Variants in MIGA1 observed in about 807,000 individuals in gnomAD.
MIGA1 encodes the protein family with sequence similarity 73, member A.
In MIGA1, 58 loss-of-function variants were observed where a neutral mutation model predicts 82.0. The ratio of observed to expected loss-of-function variants is 0.71; its 90% CI spans 0.57 to 0.88. MIGA1 has a LOEUF of 0.88. Among genes scored for constraint, MIGA1 ranks in the 40% least tolerant of loss-of-function variants. The pLI, the probability that MIGA1 is intolerant of heterozygous loss-of-function variation, is 0.00. For missense variants in MIGA1, 751 were observed against 749.1 expected, an observed-to-expected ratio of 1.00 and a Z score of -0.03; for synonymous variants, 249 against 253.6, an observed-to-expected ratio of 0.98 and a Z score of 0.17.
intron 2 of MIGA1, among the ~76,000 whole-genome samples, chr1:77,788,886 T>A (rs111431249): frequency 2.0e-5 from 3 of 152,302 alleles, no homozygotes; most frequent in African/African-American, 7.2e-5. Flanking sequence ...ATTTTGGCTA[T>A]TCTAAGTCCC....
intron 5 of MIGA1, chr1:77,811,741 G>T (rs1683340717): frequency 6.2e-7 from 1 of 1,609,586 alleles, no homozygotes; most frequent in Admixed American, 1.7e-5. Context: ...CCTAAAACTG[G>T]CGCCCCAGCG....
intron 10 of MIGA1, 25 bp from the exon 11 acceptor site, chr1:77,860,015 T>C: frequency 6.6e-7 from 1 of 1,516,720 alleles, no homozygotes; most frequent in Non-Finnish European, 9.1e-7. Context: ...GTCTCTTTTT[T>C]CTTTGGGGAT....
chr1:77,795,736 T>C lies in MIGA1; in HGVS notation c.196-5595T>C, dbSNP rs540486868. The stretch of plus-strand genomic sequence containing the variant: ...CCTCTGCCTCCTGGGTTCAAGCGAT[T>C]CTCCTGCCTCAGCCTCCTGAGTAGC... On this transcript the variant is annotated intron_variant, in intron 2 of 15. Transcript: ENST00000370791. Among the ~76,000 whole-genome samples the C allele has an allele frequency of 1.1e-4, 17 of 151,672 alleles. 1 individual carries two copies. Among genetic ancestry groups the C allele is most frequent in the Admixed American group, 1.1e-3 (16 of 15,224 alleles).
At chr1:77,813,141 C>T (rs770238224) in intron 5 of MIGA1, among the ~76,000 whole-genome samples, 2 of 152,102 alleles carry the variant, frequency 1.3e-5, no homozygotes, top group Admixed American at 1.3e-4. Flanking sequence ...ATCACCACAC[C>T]TGGCTGCTTT....
chr1:77,852,850 C>T (rs909615450), intron 8 of MIGA1, among the ~76,000 whole-genome samples: 3 of 152,144 alleles, frequency 2.0e-5, no homozygotes, highest in African/African-American at 7.2e-5. Flanking sequence ...GCCACCACAC[C>T]TGGCTAATTT....
intron 7 of MIGA1, among the ~76,000 whole-genome samples, chr1:77,836,763 A>T (rs1190519894): frequency 6.6e-6 from 1 of 152,170 alleles, no homozygotes; most frequent in Non-Finnish European, 1.5e-5. Context: ...ACAAGTGGGG[A>T]TATGGTCAAC....
Position 77,878,960 on chromosome 1 carries a change from A to T in MIGA1, c.*3896A>T. On this transcript the variant is annotated 3_prime_UTR_variant, in exon 16 of 16. Transcript: ENST00000370791. ...ATTTACAAATGTTTTCTTGCCTTAA[A>T]ATGTAACATTTTCTACTTAAATTTA... 1 of 310,990 alleles carries T rather than the reference A, an allele frequency of 3.2e-6. No individual in the cohort carries two copies. The highest frequency in any genetic ancestry group is 5.9e-6 in the Non-Finnish European group (1 of 170,322). The allele number at this position is 310,990 out of a possible 1,614,324, so 19.3% of individuals were successfully genotyped here. A position where few individuals can be genotyped will look rare whatever the true frequency, so the allele number is the denominator to read the frequency against.
intron 8 of MIGA1, chr1:77,848,918 A>G: frequency 2.0e-6 from 1 of 495,084 alleles, no homozygotes; most frequent in Non-Finnish European, 3.3e-6. Flanking sequence ...TTTAAAATTT[A>G]TTTTCAAAAT....
At chr1:77,848,833 C>G in intron 8 of MIGA1, 1 of 1,120,536 alleles carries the variant, frequency 8.9e-7, no homozygotes, top group South Asian at 2.6e-5. Flanking sequence ...TTTAAGGAAG[C>G]ACAGAAAACT....
chr1:77,784,796 G>A (rs756845505), intron 2 of MIGA1, among the ~76,000 whole-genome samples: 15 of 152,186 alleles, frequency 9.9e-5, no homozygotes, highest in Non-Finnish European at 1.5e-4. Context: ...CCACATGGCT[G>A]GGGAGGTCTC....
Position 77,813,769 on chromosome 1 carries a change from G to T in MIGA1, c.673G>T (p.Glu225Ter), listed in dbSNP as rs1409743486. The T allele has an allele frequency of 1.2e-6, 2 of 1,614,152 alleles. No homozygotes were observed. The highest frequency in any genetic ancestry group is 3.3e-5 in the Admixed American group (2 of 60,020). Residue 225 changes from glutamate to a stop codon, truncating the protein, a stop_gained, in exon 6 of 16, where the codon GAA becomes TAA. Coordinates refer to ENST00000370791, the MANE Select transcript of MIGA1 (RefSeq NM_198549.4). LOFTEE classifies it high-confidence loss of function. ...GTTTGAAGAGGCATTGCGTCGATGG[G>T]AACAAGCTCTGACCTTTCGCAATAG...
rs917592709 is a variant in MIGA1, at chr1:77,830,286, A to G, written c.896-13021A>G. Among the ~76,000 whole-genome samples the G allele has an allele frequency of 1.2e-4, 19 of 152,202 alleles. No homozygotes were observed. In the East Asian group the frequency reaches 3.3e-3, roughly 26 times the overall value. On this transcript the variant is annotated intron_variant, in intron 7 of 15. Coordinates refer to ENST00000370791, the MANE Select transcript of MIGA1 (RefSeq NM_198549.4). ...TTTATATCTTTCATAATGTTTTATA[A>G]TCTTCTTCATAAATGTCTTATATGT...
intron 8 of MIGA1, chr1:77,848,844 G>A (rs1684940326): frequency 1.8e-6 from 2 of 1,082,216 alleles, no homozygotes; most frequent in African/African-American, 1.6e-5. Flanking sequence ...ACAGAAAACT[G>A]TAATTCCTGG....
At chr1:77,807,443 C>T (rs1289189465) in intron 5 of MIGA1, among the ~76,000 whole-genome samples, 2 of 152,076 alleles carry the variant, frequency 1.3e-5, no homozygotes, top group African/African-American at 2.4e-5. Context: ...GGATTACATG[C>T]GTGAGCCACC....
At chr1:77,836,386 T>C (rs1338838833) in intron 7 of MIGA1, among the ~76,000 whole-genome samples, 3 of 151,948 alleles carry the variant, frequency 2.0e-5, no homozygotes, top group Non-Finnish European at 4.4e-5. Flanking sequence ...AAAAATCAGA[T>C]AAATTTTGGA....
chr1:77,848,361 G>A, intron 8 of MIGA1: 2 of 1,176,954 alleles, frequency 1.7e-6, no homozygotes, highest in East Asian at 2.6e-5. Context: ...AGGAGAGAAG[G>A]AAGAGAAAAG....
chr1:77,862,532 C>T (rs1011107119), intron 12 of MIGA1, among the ~76,000 whole-genome samples: 3 of 152,154 alleles, frequency 2.0e-5, no homozygotes, highest in African/African-American at 7.2e-5. Flanking sequence ...ACGGGCAGAT[C>T]GTGAGGTCAG....
At chr1:77,824,291 C>T (rs779190342) in intron 7 of MIGA1, among the ~76,000 whole-genome samples, 10 of 152,206 alleles carry the variant, frequency 6.6e-5, no homozygotes, top group Non-Finnish European at 1.5e-4. Flanking sequence ...GGTGTGGTAG[C>T]TCATGCCTGT....
intron 7 of MIGA1, among the ~76,000 whole-genome samples, chr1:77,820,545 A>C (rs1433341162): frequency 6.6e-6 from 1 of 152,144 alleles, no homozygotes; most frequent in Non-Finnish European, 1.5e-5. Context: ...ATTGGCTCGG[A>C]ATTTGGAACT....
Sources: allele counts gnomAD v4.1 joint callset (sites outside exome capture counted in the v4.1 genomes callset), GRCh38; gene constraint gnomAD v4.1.1; transcripts MANE v1.5; gene names NCBI Gene and HGNC (gene_info 2026-07-23, HGNC 2026-07-21).